MCTP1: variants seen among roughly 807,000 people sequenced by gnomAD.
MCTP1 encodes the protein multiple C2 and transmembrane domain containing 1.
A neutral mutation model predicts 120.6 loss-of-function variants in MCTP1; 69 were observed. That is an observed-to-expected ratio of 0.57 (90% confidence interval 0.47 to 0.70). The LOEUF (loss-of-function observed/expected upper bound fraction) is 0.70, where lower values mean the gene tolerates loss of function less well. Ranked by LOEUF, MCTP1 falls within the 30% of genes least tolerant of loss-of-function variation. The pLI, the probability that MCTP1 is intolerant of heterozygous loss-of-function variation, is 0.00. For missense variants in MCTP1, 1,203 were observed against 1,248.8 expected (o/e 0.96, Z 0.55); for synonymous variants, 529 against 493.1 (o/e 1.07, Z -0.96).
chr5:95,122,887 C>G (rs1436686841), intron 1 of MCTP1, among the ~76,000 whole-genome samples: 1 of 152,096 alleles, frequency 6.6e-6, no homozygotes, highest in East Asian at 1.9e-4. Context: ...ATGAAATAAG[C>G]CAGGCACAGA....
intron 1 of MCTP1, among the ~76,000 whole-genome samples, chr5:95,136,297 CCTTT>C (rs1174811473): frequency 6.6e-6 from 1 of 152,218 alleles, no homozygotes; most frequent in African/African-American, 2.4e-5. Flanking sequence ...CATTTTACTT[CCTTT>C]GTCTTCCCAG....
At chr5:95,002,953 G>A (rs1387480866) in intron 2 of MCTP1, among the ~76,000 whole-genome samples, 1 of 152,188 alleles carries the variant, frequency 6.6e-6, no homozygotes, top group Non-Finnish European at 1.5e-5. Context: ...GGAGGGAACT[G>A]GTGGAAGTTA....
Position 94,888,982 on chromosome 5 carries a change from C to G in MCTP1, c.1840-10G>C, listed in dbSNP as rs1801938790. 6.3e-7 allele frequency: 1 copy of G among 1,584,824 alleles called. No individual in the cohort carries two copies. Among genetic ancestry groups the G allele is most frequent in the South Asian group, 1.1e-5 (1 of 90,482 alleles). On this transcript the variant is annotated splice_polypyrimidine_tract_variant and intron_variant, in intron 11 of 22. Coordinates refer to ENST00000515393, the MANE Select transcript of MCTP1 (RefSeq NM_024717.7). ...ATATCCTCAATGGGCTCTGAAAGAC[C>G]CCAACATCAGTATTAGAAAAGGGAG...
intron 19 of MCTP1, among the ~76,000 whole-genome samples, chr5:94,723,469 CT>C (rs1303897677): frequency 6.6e-6 from 1 of 152,036 alleles, no homozygotes; most frequent in Non-Finnish European, 1.5e-5. Context: ...TCAGTGTTAA[CT>C]TGTCAGAGTC....
intron 17 of MCTP1, among the ~76,000 whole-genome samples, chr5:94,856,687 A>G (rs1430897176): frequency 6.6e-6 from 1 of 151,728 alleles, no homozygotes; most frequent in Non-Finnish European, 1.5e-5. Flanking sequence ...AAAGATGGAT[A>G]AATTATCCTT....
At chr5:94,957,486 G>A (rs913270279) in intron 2 of MCTP1, among the ~76,000 whole-genome samples, 1 of 152,010 alleles carries the variant, frequency 6.6e-6, no homozygotes, top group Non-Finnish European at 1.5e-5. Flanking sequence ...TGGATAAAGA[G>A]TCAAGACCCA....
chr5:94,781,389 T>C (rs957256036), intron 18 of MCTP1, among the ~76,000 whole-genome samples: 2 of 152,098 alleles, frequency 1.3e-5, no homozygotes, highest in African/African-American at 4.8e-5. Context: ...GTTGATTGAG[T>C]GAACAGGTGA....
intron 19 of MCTP1, among the ~76,000 whole-genome samples, chr5:94,763,847 A>G (rs1771919211): frequency 6.6e-6 from 1 of 152,246 alleles, no homozygotes; most frequent in Non-Finnish European, 1.5e-5. Context: ...GACTTTGATT[A>G]CTGCTATACA....
chr5:95,055,383 T>C (rs1747111050), intron 1 of MCTP1, among the ~76,000 whole-genome samples: 1 of 152,200 alleles, frequency 6.6e-6, no homozygotes, highest in Admixed American at 6.5e-5. Flanking sequence ...TCCAAGAATA[T>C]TGAAGATTGG....
At chr5:94,765,392 AG>A (rs1252211465) in intron 19 of MCTP1, among the ~76,000 whole-genome samples, 1 of 152,190 alleles carries the variant, frequency 6.6e-6, no homozygotes, top group Non-Finnish European at 1.5e-5. Flanking sequence ...GAAGTAATAA[AG>A]ATCAGAGCAG....
chr5:94,863,579 C>T (rs1369853911), intron 17 of MCTP1, among the ~76,000 whole-genome samples: 1 of 151,872 alleles, frequency 6.6e-6, no homozygotes, highest in Non-Finnish European at 1.5e-5. Context: ...CCTTTGTTTT[C>T]ACATTGATAC....
chr5:95,225,353 G>T (rs1203820374), intron 1 of MCTP1, among the ~76,000 whole-genome samples: 11 of 152,128 alleles, frequency 7.2e-5, no homozygotes, highest in Non-Finnish European at 1.5e-5. Flanking sequence ...TAATTCAGCT[G>T]ATTTCCCTCT....
chr5:94,721,057 G>A (rs941226629), intron 19 of MCTP1, among the ~76,000 whole-genome samples: 3 of 152,100 alleles, frequency 2.0e-5, no homozygotes, highest in African/African-American at 7.2e-5. Context: ...ATTCAATCCA[G>A]GAAGGTTTCA....
chr5:95,159,460 A>G (rs1283352005), intron 1 of MCTP1, among the ~76,000 whole-genome samples: 1 of 152,228 alleles, frequency 6.6e-6, no homozygotes, highest in Non-Finnish European at 1.5e-5. Context: ...GCTCACCAGC[A>G]AAAGAATGTC....
chr5:95,067,991 T>C (rs1751124725), intron 1 of MCTP1, among the ~76,000 whole-genome samples: 1 of 152,166 alleles, frequency 6.6e-6, no homozygotes, highest in Admixed American at 6.5e-5. Flanking sequence ...TTTTCCACTC[T>C]CTGTCAAACA....
intron 1 of MCTP1, among the ~76,000 whole-genome samples, chr5:95,217,397 T>G (rs1487565861): frequency 1.3e-5 from 2 of 152,194 alleles, no homozygotes; most frequent in African/African-American, 4.8e-5. Context: ...TTGACAAAAG[T>G]TCAGTCAGAA....
chr5:94,954,510 A>G (rs1189178505), intron 2 of MCTP1, among the ~76,000 whole-genome samples: 2 of 152,076 alleles, frequency 1.3e-5, no homozygotes, highest in African/African-American at 4.8e-5. Flanking sequence ...ACCACTATGC[A>G]ATACATCCAT....
chr5:94,995,336 TA>T (rs1366855798), intron 2 of MCTP1, among the ~76,000 whole-genome samples: 3 of 152,192 alleles, frequency 2.0e-5, no homozygotes, highest in Admixed American at 2.0e-4. Flanking sequence ...CAAGTGTGGG[TA>T]CCAAACTTTG....
chr5:94,751,900 T>C (rs1161123345), intron 19 of MCTP1, among the ~76,000 whole-genome samples: 8 of 144,850 alleles, frequency 5.5e-5, no homozygotes, highest in Non-Finnish European at 1.1e-4. Context: ...TAGATGGGAA[T>C]TGAACAATGA....
Sources: gnomAD v4.1 joint callset for allele counts (sites outside exome capture counted in the v4.1 genomes callset) on GRCh38, gnomAD v4.1.1 for gene constraint, MANE v1.5 for transcripts, NCBI Gene and HGNC (gene_info 2026-07-23, HGNC 2026-07-21) for gene names.